Variants in MICAL2 observed in about 807,000 individuals in gnomAD.
The protein encoded by MICAL2 is [F-actin]-monooxygenase MICAL2.
A neutral mutation model predicts 127.3 loss-of-function variants in MICAL2; 77 were observed. That is an observed-to-expected ratio of 0.60 (90% CI 0.50 to 0.73). The LOEUF (loss-of-function observed/expected upper bound fraction) is 0.73, where lower values mean the gene tolerates loss of function less well. MICAL2 is among the 30% of genes least tolerant of loss of function. MICAL2 has a pLI of 0.00. For synonymous variants in MICAL2, 570 were observed against 551.1 expected, an observed-to-expected ratio of 1.03 and a Z score of -0.48; for missense variants, 1,351 against 1,434.4, an observed-to-expected ratio of 0.94 and a Z score of 0.94.
At chr11:12,341,436 A>G (rs1387791411) in intron 32 of MICAL2, among the ~76,000 whole-genome samples, 1 of 147,780 alleles carries the variant, frequency 6.8e-6, no homozygotes, top group Non-Finnish European at 1.5e-5. Flanking sequence ...AGCCTTCAGC[A>G]TTACCTACAA....
downstream of MICAL2, among the ~76,000 whole-genome samples, chr11:12,290,200 T>C (rs1275580456): frequency 6.6e-6 from 1 of 152,190 alleles, no homozygotes; most frequent in Admixed American, 6.5e-5. Context: ...CAAGCCCTGC[T>C]GGAGTTCCAT....
chr11:12,214,741 CTG>C (rs1473078584), intron 7 of MICAL2, among the ~76,000 whole-genome samples: 3 of 152,148 alleles, frequency 2.0e-5, no homozygotes, highest in African/African-American at 7.2e-5. Flanking sequence ...CTTTACATAA[CTG>C]TTGATGGCTG....
chr11:12,192,373 A>G (rs1859306283), intron 3 of MICAL2, among the ~76,000 whole-genome samples: 1 of 152,202 alleles, frequency 6.6e-6, no homozygotes, highest in Admixed American at 6.5e-5. Flanking sequence ...CAAGCGATGC[A>G]AACTGCCATC....
chr11:12,239,300 C>T, intron 16 of MICAL2, 136 bp from the exon 17 acceptor site: 13 of 1,202,316 alleles, frequency 1.1e-5, no homozygotes, highest in African/African-American at 1.5e-5. Flanking sequence ...GGCCCTGCTG[C>T]CTCTGCCTCC....
chr11:12,111,941 C>T (rs1849642985), intron 1 of MICAL2, among the ~76,000 whole-genome samples: 1 of 152,206 alleles, frequency 6.6e-6, no homozygotes, highest in African/African-American at 2.4e-5. Flanking sequence ...CGTAAGAACT[C>T]ACTTTCTTCA....
intron 24 of MICAL2, among the ~76,000 whole-genome samples, chr11:12,270,215 TAA>T (rs368497904): frequency 9.8e-4 from 150 of 152,306 alleles, no homozygotes; most frequent in African/African-American, 3.4e-3. Flanking sequence ...TCCCCTCTTA[TAA>T]GAGGGCAGGG....
intron 3 of MICAL2, among the ~76,000 whole-genome samples, chr11:12,176,412 A>G (rs1030727224): frequency 5.3e-5 from 8 of 152,208 alleles, no homozygotes; most frequent in Non-Finnish European, 1.2e-4. Flanking sequence ...CATGTAAAAC[A>G]TATTAAGTGC....
At chr11:12,217,955 G>A (rs762034430) in intron 8 of MICAL2, among the ~76,000 whole-genome samples, 6 of 152,130 alleles carry the variant, frequency 3.9e-5, no homozygotes, top group Non-Finnish European at 7.4e-5. Context: ...TCCCTGAGCC[G>A]CTTAAATTTA....
In MICAL2 at chr11:12,199,468, C is replaced by A. The variant is rs377045452; in HGVS notation, c.265-4782C>A. ...TCTCAAGGAACACAAGGGCAGGATT[C>A]GGAAGTGGAAATGAAACCTGCAGAC... On this transcript the variant is annotated intron_variant, in intron 3 of 27. Coordinates refer to ENST00000683283, the MANE Select transcript of MICAL2 (RefSeq NM_001282663.2). Among the ~76,000 whole-genome samples the A allele has an allele frequency of 2.6e-5, 4 of 152,256 alleles. No homozygotes were observed. The South Asian group carries it at 8.3e-4, about 32-fold the overall frequency.
At chr11:12,342,139 G>A (rs190484474) in intron 32 of MICAL2, among the ~76,000 whole-genome samples, 114 of 152,352 alleles carry the variant, frequency 7.5e-4, no homozygotes, top group Non-Finnish European at 1.5e-3. Flanking sequence ...GAGGGTGAGC[G>A]GAAGAAAGGG....
At chr11:12,326,480 A>G (rs1449105993) in intron 31 of MICAL2, among the ~76,000 whole-genome samples, 1 of 152,232 alleles carries the variant, frequency 6.6e-6, no homozygotes, top group Non-Finnish European at 1.5e-5. Flanking sequence ...ACAGGTGTCT[A>G]TAATGAACCT....
intron 2 of MICAL2, among the ~76,000 whole-genome samples, chr11:12,140,021 A>G (rs1852193957): frequency 6.6e-6 from 1 of 151,992 alleles, no homozygotes; most frequent in Admixed American, 6.6e-5. Context: ...TTTTCTTGCA[A>G]CTTCCTGGAC....
At chr11:12,351,331 G>A (rs915295104) in intron 33 of MICAL2, among the ~76,000 whole-genome samples, 3 of 152,128 alleles carry the variant, frequency 2.0e-5, no homozygotes, top group Non-Finnish European at 4.4e-5. Context: ...TCAGCCAGGG[G>A]CAATAACCTC....
chr11:12,178,341 G>A (rs764172081), intron 3 of MICAL2, among the ~76,000 whole-genome samples: 8 of 152,148 alleles, frequency 5.3e-5, no homozygotes, highest in South Asian at 4.1e-4. Context: ...ACCATGGCCC[G>A]TGACACAGCC....
At chr11:12,226,515 C>G (rs946387404) in intron 14 of MICAL2, 145 bp downstream of exon 14, 2 of 711,790 alleles carry the variant, frequency 2.8e-6, no homozygotes, top group Non-Finnish European at 4.6e-6. Flanking sequence ...AGGGGTGACT[C>G]CACTCACCCA....
intron 2 of MICAL2, among the ~76,000 whole-genome samples, chr11:12,152,458 C>T (rs1406052054): frequency 6.6e-6 from 1 of 152,088 alleles, no homozygotes; most frequent in African/African-American, 2.4e-5. Flanking sequence ...GGGCACCACC[C>T]ACTCTGTATA....
chr11:12,250,274 G>A (rs1861367277), intron 22 of MICAL2: 1 of 152,212 alleles, frequency 6.6e-6, no homozygotes, highest in Admixed American at 6.5e-5. Flanking sequence ...ATTTTTGTGG[G>A]TACGTAGTAG....
chr11:12,256,912 G>A lies in MICAL2; in HGVS notation c.3083G>A (p.Arg1028His), dbSNP rs754495844. ...CACTTCTTCCACCGGGAGTGTTTCC[G>A]CTGCAGCATCTGTGCCACCACCTTG... is the stretch of plus-strand genomic sequence containing the variant. ...EGHFFHRECF[R>H]CSICATTLRL... The change falls in exon 24 of 28, where the codon CGC becomes CAC. Residue 1028 changes from arginine (R) to histidine (H), a missense_variant. Physicochemically the swap from Arg to His is conservative, Grantham distance 29 (BLOSUM62 0). This residue lies in a region of MICAL2 where 752 missense variants were observed against 719.4 expected (regional missense o/e 1.05). Transcript: ENST00000683283. 1.4e-5 allele frequency: 22 copies of A among 1,614,002 alleles called. No homozygotes were observed. Among genetic ancestry groups the A allele is most frequent in the East Asian group, 8.9e-5 (4 of 44,900 alleles).
chr11:12,285,247 C>A (rs762743110), intron 2 of MICAL2, among the ~76,000 whole-genome samples: 1 of 152,022 alleles, frequency 6.6e-6, no homozygotes, highest in Non-Finnish European at 1.5e-5. Context: ...AACCTCTGAG[C>A]GCAGAGTCTG....
Sources: gnomAD v4.1 joint callset for allele counts (sites outside exome capture counted in the v4.1 genomes callset) on GRCh38, gnomAD v4.1.1 for gene constraint, gnomAD v4.1.1 regional missense constraint, MANE v1.5 for transcripts, NCBI Gene and HGNC (gene_info 2026-07-23, HGNC 2026-07-21) for gene names.